The following HTR7 variants were observed in gnomAD, a reference collection of about 807,000 sequenced individuals.
HTR7 encodes 5-hydroxytryptamine receptor 7, also known as 5-HT-7.
In HTR7, 16 loss-of-function variants were observed where a neutral mutation model predicts 34.0. That is an observed-to-expected ratio of 0.47 (90% confidence interval 0.32 to 0.71). The LOEUF (loss-of-function observed/expected upper bound fraction) is 0.71. Among genes scored for constraint, HTR7 ranks in the 30% least tolerant of loss-of-function variants. The pLI is 0.04. For synonymous variants in HTR7, 265 were observed against 260.2 expected, an observed-to-expected ratio of 1.02 and a Z score of -0.18; for missense variants, 504 against 625.5, an observed-to-expected ratio of 0.81 and a Z score of 2.07.
At chr10:90,759,187 CAAAAAA>C (rs35551588) in intron 1 of HTR7, among the ~76,000 whole-genome samples, 1 of 119,604 alleles carries the variant, frequency 8.4e-6, no homozygotes. Context: ...AACTCTGTCT[CAAAAAA>C]AAAAAAAAAA....
At chr10:90,826,610 G>A (rs959006554) in intron 1 of HTR7, among the ~76,000 whole-genome samples, 24 of 152,190 alleles carry the variant, frequency 1.6e-4, no homozygotes, top group African/African-American at 5.5e-4. Context: ...AAGGTGAAGT[G>A]TAGAGTTTTT....
chr10:90,788,892 C>T (rs1206620790), intron 1 of HTR7, among the ~76,000 whole-genome samples: 1 of 152,052 alleles, frequency 6.6e-6, no homozygotes, highest in East Asian at 1.9e-4. Context: ...ACTTCTAGTC[C>T]CCACTTCATA....
chr10:90,810,466 G>T (rs1845788523), intron 1 of HTR7, among the ~76,000 whole-genome samples: 1 of 151,994 alleles, frequency 6.6e-6, no homozygotes, highest in East Asian at 1.9e-4. Context: ...TCACTCGCCT[G>T]CTACAGCATG....
chr10:90,783,799 C>T (rs1373878445), intron 1 of HTR7, among the ~76,000 whole-genome samples: 3 of 152,166 alleles, frequency 2.0e-5, no homozygotes, highest in Non-Finnish European at 4.4e-5. Flanking sequence ...TTCTGCTGTA[C>T]TTTGGAGTCC....
chr10:90,822,923 G>C (rs1197148549), intron 1 of HTR7, among the ~76,000 whole-genome samples: 1 of 152,208 alleles, frequency 6.6e-6, no homozygotes, highest in Non-Finnish European at 1.5e-5. Context: ...GCTTCCATGT[G>C]GTATTAAGCC....
At chr10:90,793,933 G>A (rs1323356387) in intron 1 of HTR7, among the ~76,000 whole-genome samples, 1 of 152,204 alleles carries the variant, frequency 6.6e-6, no homozygotes, top group Non-Finnish European at 1.5e-5. Flanking sequence ...AGCAAGTCTA[G>A]TCCTTCCAAC....
At chr10:90,786,837 G>C (rs1845387136) in intron 1 of HTR7, among the ~76,000 whole-genome samples, 2 of 152,288 alleles carry the variant, frequency 1.3e-5, no homozygotes, top group Non-Finnish European at 2.9e-5. Context: ...ACCTCCAGGA[G>C]ACCAGCCCCA....
chr10:90,817,069 C>T (rs1444478791), intron 1 of HTR7, among the ~76,000 whole-genome samples: 1 of 152,196 alleles, frequency 6.6e-6, no homozygotes, highest in Non-Finnish European at 1.5e-5. Context: ...AGCCATACCA[C>T]CTCAGCAACA....
At chr10:90,792,601 T>C (rs1020302111) in intron 1 of HTR7, among the ~76,000 whole-genome samples, 10 of 152,112 alleles carry the variant, frequency 6.6e-5, no homozygotes, top group Admixed American at 6.6e-4. Flanking sequence ...CTTACCATTT[T>C]TCAACTTTAC....
chr10:90,771,411 G>A (rs1414106142), intron 1 of HTR7, among the ~76,000 whole-genome samples: 1 of 152,238 alleles, frequency 6.6e-6, no homozygotes, highest in Non-Finnish European at 1.5e-5. Context: ...TGCTCACCAG[G>A]TTGCAGGCAA....
chr10:90,853,470 CTTTTT>C (rs1221280291), intron 1 of HTR7, among the ~76,000 whole-genome samples: 1 of 142,144 alleles, frequency 7.0e-6, no homozygotes, highest in Non-Finnish European at 1.5e-5. Context: ...CTTTTCTTTT[CTTTTT>C]TTTTTTTCCG....
intron 1 of HTR7, among the ~76,000 whole-genome samples, chr10:90,776,587 C>A (rs540019282): frequency 6.6e-6 from 1 of 152,108 alleles, no homozygotes; most frequent in Non-Finnish European, 1.5e-5. Context: ...AAACTTCATA[C>A]CTCACATGTC....
At chr10:90,852,573 A>G (rs935642427) in intron 1 of HTR7, among the ~76,000 whole-genome samples, 1 of 152,262 alleles carries the variant, frequency 6.6e-6, no homozygotes, top group Admixed American at 6.5e-5. Flanking sequence ...TATTAGAGAT[A>G]GCCAGAAACT....
At chr10:90,832,500 G>A (rs973785025) in intron 1 of HTR7, among the ~76,000 whole-genome samples, 5 of 152,132 alleles carry the variant, frequency 3.3e-5, no homozygotes, top group Admixed American at 1.3e-4. Flanking sequence ...ACGCCCACCC[G>A]GAACTCCAGC....
At chr10:90,777,901 T>A (rs1030532121) in intron 1 of HTR7, among the ~76,000 whole-genome samples, 2 of 152,186 alleles carry the variant, frequency 1.3e-5, no homozygotes, top group Admixed American at 6.6e-5. Flanking sequence ...ACAATGCCAC[T>A]TCCTTATCCA....
chr10:90,838,768 C>T (rs899471423), intron 1 of HTR7, among the ~76,000 whole-genome samples: 2 of 152,200 alleles, frequency 1.3e-5, no homozygotes, highest in Non-Finnish European at 1.5e-5. Flanking sequence ...CTGATCTTCA[C>T]ACAGCTGGCT....
intron 1 of HTR7, among the ~76,000 whole-genome samples, chr10:90,805,338 G>A (rs1180913979): frequency 3.9e-5 from 6 of 152,166 alleles, no homozygotes; most frequent in Non-Finnish European, 8.8e-5. Flanking sequence ...AAGCTAAGTT[G>A]AAAAAGAACA....
rs148206482 is a variant in HTR7 at position 90,789,058 on chromosome 10, T to A, written c.540-39464A>T. Among the ~76,000 whole-genome samples the A allele has an allele frequency of 5.3e-5, 8 of 152,320 alleles. No individual in the cohort carries two copies. In the East Asian group the frequency reaches 1.5e-3, roughly 29 times the overall value. On this transcript the variant is annotated intron_variant, in intron 1 of 3. Transcript: ENST00000336152. ...CACTATGATGCAATATAATGTTATA[T>A]TGTCATCGTGCACCAACTTATCCTT... is the stretch of plus-strand genomic sequence containing the variant.
chr10:90,837,359 A>C (rs1222863268), intron 1 of HTR7, among the ~76,000 whole-genome samples: 2 of 152,224 alleles, frequency 1.3e-5, no homozygotes, highest in South Asian at 2.1e-4. Context: ...ACACTTACAT[A>C]AACAATGATA....
Sources: allele counts gnomAD v4.1 joint callset (sites outside exome capture counted in the v4.1 genomes callset), GRCh38; gene constraint gnomAD v4.1.1; transcripts MANE v1.5; gene names NCBI Gene and HGNC (gene_info 2026-07-23, HGNC 2026-07-21).